ADGRL2: variants seen among roughly 807,000 people sequenced by gnomAD.
ADGRL2 encodes calcium-independent alpha-latrotoxin receptor 2.
In ADGRL2, 44 loss-of-function variants were observed where a neutral mutation model predicts 157.4. The observed-to-expected ratio is 0.28, with a 90% confidence interval of 0.22 to 0.36. ADGRL2 has a LOEUF of 0.36. ADGRL2 is among the 10% of genes least tolerant of loss of function. The pLI is 1.00. For synonymous variants in ADGRL2, 585 were observed against 624.7 expected, an observed-to-expected ratio of 0.94 and a Z score of 0.95; for missense variants, 1,510 against 1,768.9, an observed-to-expected ratio of 0.85 and a Z score of 2.63.
intron 3 of ADGRL2, among the ~76,000 whole-genome samples, chr1:81,664,035 G>T (rs1255499117): frequency 1.3e-5 from 2 of 152,068 alleles, no homozygotes; most frequent in East Asian, 3.9e-4. Context: ...GGTATTACTA[G>T]AGGTTATAAA....
chr1:81,980,105 T>TA (rs1661240418), intron 18 of ADGRL2, 145 bp downstream of exon 18: 1 of 579,712 alleles, frequency 1.7e-6, no homozygotes, highest in Non-Finnish European at 3.1e-6. Flanking sequence ...ATCTCAGTGT[T>TA]ACTATATCAC....
chr1:81,683,019 G>A (rs1306452516), intron 3 of ADGRL2, among the ~76,000 whole-genome samples: 1 of 152,178 alleles, frequency 6.6e-6, no homozygotes, highest in African/African-American at 2.4e-5. Flanking sequence ...TGTAATCCCA[G>A]CTACTCAGGA....
chr1:81,987,895 G>A lies in ADGRL2; in HGVS notation c.3655+9G>A. The A allele has an allele frequency of 3.1e-6, 1 of 323,116 alleles. No homozygotes were observed. 20.0% of individuals were successfully genotyped at this position (323,116 alleles called of 1,614,324 possible). ...AACCTACAGAGAGACAAGTATGGGA[G>A]TAAAACTTAACTTTGCCTATCAAAT... On this transcript the variant is annotated intron_variant, in intron 23 of 23. Coordinates refer to ENST00000686636, the MANE Select transcript of ADGRL2 (RefSeq NM_001366006.2).
At chr1:81,460,193 T>C (rs1020600833) in intron 2 of ADGRL2, among the ~76,000 whole-genome samples, 1 of 151,954 alleles carries the variant, frequency 6.6e-6, no homozygotes, top group African/African-American at 2.4e-5. Context: ...AGATGCTTTT[T>C]AGTTTGATGT....
At chr1:81,814,957 A>G (rs934549614) in intron 1 of ADGRL2, among the ~76,000 whole-genome samples, 3 of 151,752 alleles carry the variant, frequency 2.0e-5, no homozygotes, top group Non-Finnish European at 3.0e-5. Context: ...TTTAAAAATA[A>G]ACACAACATC....
chr1:81,568,809 A>T (rs1327251874), intron 2 of ADGRL2, among the ~76,000 whole-genome samples: 1 of 152,134 alleles, frequency 6.6e-6, no homozygotes, highest in Non-Finnish European at 1.5e-5. Flanking sequence ...TTCATTTTTT[A>T]AAATTTGTGG....
intron 2 of ADGRL2, among the ~76,000 whole-genome samples, chr1:81,536,316 A>G (rs776720938): frequency 6.6e-6 from 1 of 152,140 alleles, no homozygotes; most frequent in Non-Finnish European, 1.5e-5. Context: ...TTTTAAGTTG[A>G]CAAAATGGAA....
At chr1:81,614,432 GGA>G (rs1375420503) in intron 3 of ADGRL2, among the ~76,000 whole-genome samples, 1 of 152,208 alleles carries the variant, frequency 6.6e-6, no homozygotes, top group African/African-American at 2.4e-5. Context: ...TGTATATTGA[GGA>G]GAGAGGCTTC....
upstream of ADGRL2, among the ~76,000 whole-genome samples, chr1:81,795,569 G>A (rs1451615105): frequency 6.6e-6 from 1 of 152,102 alleles, no homozygotes; most frequent in Non-Finnish European, 1.5e-5. Context: ...TTGTATATTT[G>A]ACTCACTTTC....
chr1:81,795,755 A>G (rs1231372545), upstream of ADGRL2, among the ~76,000 whole-genome samples: 1 of 152,166 alleles, frequency 6.6e-6, no homozygotes, highest in Non-Finnish European at 1.5e-5. Context: ...AAGGATTTAG[A>G]TTTGATAGAG....
At chr1:81,848,446 C>T (rs926805081) in intron 2 of ADGRL2, among the ~76,000 whole-genome samples, 1 of 151,732 alleles carries the variant, frequency 6.6e-6, no homozygotes, top group East Asian at 1.9e-4. Context: ...TACTTAACTG[C>T]CAGTCCAGTT....
intron 1 of ADGRL2, among the ~76,000 whole-genome samples, chr1:81,306,916 G>A (rs1466322082): frequency 1.3e-5 from 2 of 151,490 alleles, no homozygotes; most frequent in East Asian, 3.9e-4. Context: ...AGCATTTTCT[G>A]TGAAAAATAA....
intron 3 of ADGRL2, among the ~76,000 whole-genome samples, chr1:81,693,483 T>C (rs72718808): frequency 0.018 from 2,685 of 152,342 alleles, 33 homozygotes; most frequent in South Asian, 0.054. Context: ...CCAAGGTCTA[T>C]GTTGGGTGAC....
chr1:81,394,579 A>G (rs141475257), intron 1 of ADGRL2, among the ~76,000 whole-genome samples: 11 of 152,314 alleles, frequency 7.2e-5, no homozygotes, highest in Non-Finnish European at 8.8e-5. Context: ...TCCGTTGTGT[A>G]TATATACCAC....
chr1:81,455,765 T>A (rs1223855995), intron 2 of ADGRL2, among the ~76,000 whole-genome samples: 1 of 152,190 alleles, frequency 6.6e-6, no homozygotes, highest in African/African-American at 2.4e-5. Flanking sequence ...AGATACAGCA[T>A]CAAGCGCTCA....
At position 81,503,495 on chromosome 1, in the gene ADGRL2, C is replaced by T. The variant is rs1421850315; in HGVS notation, c.-248+58406C>T. ...TGGGCAGGACCCAGCTTTCCACTTG[C>T]CACTCTCCAGTCGAGAGTGAAGGAA... On this transcript the variant is annotated intron_variant, in intron 2 of 24. Coordinates refer to the ADGRL2 transcript ENST00000370721. The T allele has an allele frequency of 8.1e-6, 13 of 1,608,226 alleles. No individual in the cohort carries two copies. The East Asian group carries it at 2.9e-4, about 36-fold the overall frequency.
chr1:81,870,501 A>G (rs2093663767), intron 2 of ADGRL2, among the ~76,000 whole-genome samples: 1 of 152,126 alleles, frequency 6.6e-6, no homozygotes, highest in Non-Finnish European at 1.5e-5. Flanking sequence ...TCAGTTTCAC[A>G]TTAAAACTTC....
chr1:81,328,558 T>C (rs1462201980), intron 1 of ADGRL2, among the ~76,000 whole-genome samples: 1 of 152,150 alleles, frequency 6.6e-6, no homozygotes, highest in Non-Finnish European at 1.5e-5. Context: ...AAACTTATTA[T>C]AAAGTGAATT....
At chr1:81,641,284 T>C (rs2082214600) in intron 3 of ADGRL2, among the ~76,000 whole-genome samples, 1 of 152,134 alleles carries the variant, frequency 6.6e-6, no homozygotes, top group Non-Finnish European at 1.5e-5. Flanking sequence ...CAGTAGGGGT[T>C]TTCAGGATGA....
Sources: allele counts gnomAD v4.1 joint callset (sites outside exome capture counted in the v4.1 genomes callset), GRCh38; gene constraint gnomAD v4.1.1; transcripts MANE v1.5; gene names NCBI Gene and HGNC (gene_info 2026-07-23, HGNC 2026-07-21).